The following SEMA4A variants were observed in gnomAD, a reference collection of about 807,000 sequenced individuals.
SEMA4A encodes semaphorin 4A, also known as semaphorin-4A.
SEMA4A carries 52 observed loss-of-function variants against 72.5 expected under a neutral mutation model. That is an observed-to-expected ratio of 0.72 (90% CI 0.57 to 0.90). The LOEUF (loss-of-function observed/expected upper bound fraction) is 0.90. Among genes scored for constraint, SEMA4A ranks in the 40% least tolerant of loss-of-function variants. The pLI is 0.00. For missense variants in SEMA4A, 926 were observed against 959.7 expected (o/e 0.96, Z 0.46); for synonymous variants, 369 against 393.1 (o/e 0.94, Z 0.73).
intron 8 of SEMA4A, 118 bp downstream of exon 8, chr1:156,161,147 G>T: frequency 2.4e-6 from 2 of 818,150 alleles, no homozygotes; most frequent in East Asian, 3.0e-5. Context: ...GGGAACAAGC[G>T]GGCCTGGCGG....
At chr1:156,160,040 C>A (rs1653434006) in intron 6 of SEMA4A, among the ~76,000 whole-genome samples, 1 of 152,132 alleles carries the variant, frequency 6.6e-6, no homozygotes, top group Non-Finnish European at 1.5e-5. Flanking sequence ...TCAGCAGGAC[C>A]TTGAAAAGAT....
At chr1:156,159,031 CAAA>C (rs34840198) in intron 6 of SEMA4A, 2,885 of 284,624 alleles carry the variant, frequency 0.01, no homozygotes, top group Middle Eastern at 0.014. Context: ...GAGATCGTCT[CAAA>C]AAAAAAAAAA....
At chr1:156,164,114 A>G (rs4661034) in intron 10 of SEMA4A, among the ~76,000 whole-genome samples, 62,897 of 150,878 alleles carry the variant, frequency 0.42, 13,382 homozygotes, top group African/African-American at 0.49. Flanking sequence ...CTCTACAAAA[A>G]GAGAAAAAAT....
Position 156,156,426 on chromosome 1 carries a change from G to A in SEMA4A, c.152G>A (p.Arg51Lys). The change falls in exon 3 of 15, where the codon AGG becomes AAG. Residue 51 changes from arginine (R) to lysine (K), a missense_variant. Arg to Lys is a conservative substitution (Grantham distance 26, BLOSUM62 2). Transcript: ENST00000368285. ...RVRYYAGDER[R>K]ALSFFHQKGL... ...ACTCCTCCAACAGGGGATGAACGTAGGGCACTTAGCTTCTTCCACCAGAAG... is the reference window on the plus strand; with the variant it reads ...ACTCCTCCAACAGGGGATGAACGTAAGGCACTTAGCTTCTTCCACCAGAAG... 6.2e-7 allele frequency: 1 copy of A among 1,614,104 alleles called. No individual in the cohort carries two copies.
rs771157337 is a variant in SEMA4A, at chr1:156,157,983, C to T, written c.301-87C>T. ...ACCACCATGTCTGCTGGTTATTTCA[C>T]ATCAGAGCAGAGAAGGGAGGCAGGT... On this transcript the variant is annotated intron_variant, in intron 3 of 14. Coordinates refer to ENST00000368285, the MANE Select transcript of SEMA4A (RefSeq NM_022367.4). The surrounding 1 kb of genome is among the most constrained non-coding windows in gnomAD (Gnocchi z 4.5). The T allele has an allele frequency of 9.0e-6, 12 of 1,334,716 alleles. No homozygotes were observed. Among genetic ancestry groups the T allele is most frequent in the Non-Finnish European group, 1.3e-5 (12 of 937,236 alleles). The allele number at this position is 1,334,716 out of a possible 1,614,324, so 82.7% of individuals were successfully genotyped here.
rs1264352460 is a variant in SEMA4A at position 156,161,528 on chromosome 1, A to G, written c.983+10A>G. The G allele has an allele frequency of 1.2e-6, 2 of 1,613,486 alleles. No homozygotes were observed. The highest frequency in any genetic ancestry group is 1.7e-5 in the Admixed American group (1 of 59,970). On this transcript the variant is annotated intron_variant, in intron 9 of 14. Coordinates refer to ENST00000368285, the MANE Select transcript of SEMA4A (RefSeq NM_022367.4). ...TCTTCACCTCCCAGTGGTGAGCAGC[A>G]GGGCTGGACCATGGGGGCTGGACAC... is the stretch of plus-strand genomic sequence containing the variant.
At chr1:156,173,109 C>T in intron 11 of SEMA4A, 103 bp downstream of exon 11, 2 of 1,188,732 alleles carry the variant, frequency 1.7e-6, no homozygotes, top group Admixed American at 4.0e-5. Flanking sequence ...CATTCAACAA[C>T]TGTTTACTGA....
chr1:156,163,319 G>C (rs754364795), intron 10 of SEMA4A: 19 of 578,112 alleles, frequency 3.3e-5, no homozygotes, highest in Non-Finnish European at 5.9e-5. Context: ...CCAAGGCTAA[G>C]TGTACACCAA....
chr1:156,173,025 G>T lies in SEMA4A; in HGVS notation c.1315+19G>T. On this transcript the variant is annotated intron_variant, in intron 11 of 14. Transcript: ENST00000368285. Reference sequence around the variant, plus strand: ...GGAACCAGTGAGTAAAGAGTTCCGGGACATCCCCCAGAGGACTAGAGCAGA... The same window carrying T: ...GGAACCAGTGAGTAAAGAGTTCCGGTACATCCCCCAGAGGACTAGAGCAGA... 1 of 1,612,232 alleles carries T rather than the reference G, an allele frequency of 6.2e-7. No homozygotes were observed. The highest frequency in any genetic ancestry group is 8.5e-7 in the Non-Finnish European group (1 of 1,178,870).
chr1:156,177,054 C>T lies in SEMA4A; in HGVS notation c.*57C>T. ...GCACCTGGCCATGCTGGCTGGGCGGCCCAAGCACAGCCCTGACTAGGATGA... is the reference window on the plus strand; with the variant it reads ...GCACCTGGCCATGCTGGCTGGGCGGTCCAAGCACAGCCCTGACTAGGATGA... On this transcript the variant is annotated 3_prime_UTR_variant, in exon 15 of 15. Transcript: ENST00000368285. The T allele has an allele frequency of 2.7e-6, 4 of 1,482,032 alleles. No individual in the cohort carries two copies. The South Asian group carries it at 3.4e-5, about 13-fold the overall frequency. The allele number at this position is 1,482,032 out of a possible 1,614,324, so 91.8% of individuals were successfully genotyped here. A position where few individuals can be genotyped will look rare whatever the true frequency, so the allele number is the denominator to read the frequency against.
At position 156,163,084 on chromosome 1, in the gene SEMA4A, G is replaced by A. The variant is rs370546700; in HGVS notation, c.1124G>A (p.Arg375Gln). 38 of 1,613,948 alleles carry A rather than the reference G, an allele frequency of 2.4e-5. No homozygotes were observed. The Admixed American group carries it at 3.2e-4, about 13-fold the overall frequency. Residue 375 changes from arginine (R) to glutamine (Q), a missense_variant, in exon 10 of 15, where the codon CGG (arginine) becomes CAG (glutamine). Physicochemically the swap from Arg to Gln is conservative, Grantham distance 43. Coordinates refer to ENST00000368285, the MANE Select transcript of SEMA4A (RefSeq NM_022367.4). ...TTYRGPETNP[R>Q]PGSCSVGPSS... is the part of the protein sequence containing the mutation. ...TATAGGGGCCCTGAGACCAACCCCC[G>A]GCCAGGCAGTGTGAGTACTACCCCC...
Position 156,158,145 on chromosome 1 carries a change from G to C in SEMA4A, c.363+13G>C. ...GAAGAGCAATGAGGTAAGTGGAGGT[G>C]GGGGAGTAGGGGTAGAGTGGGTAGA... is the stretch of plus-strand genomic sequence containing the variant. On this transcript the variant is annotated intron_variant, in intron 4 of 14. Transcript: ENST00000368285. 6.2e-7 allele frequency: 1 copy of C among 1,613,682 alleles called. No individual in the cohort carries two copies. The highest frequency in any genetic ancestry group is 8.5e-7 in the Non-Finnish European group (1 of 1,179,662).
intron 10 of SEMA4A, among the ~76,000 whole-genome samples, chr1:156,171,074 A>G (rs990485460): frequency 6.6e-6 from 1 of 152,126 alleles, no homozygotes; most frequent in African/African-American, 2.4e-5. Context: ...AACAACAAAC[A>G]AAAAAACCCT....
chr1:156,165,366 T>G (rs1336968587), intron 10 of SEMA4A, among the ~76,000 whole-genome samples: 1 of 152,128 alleles, frequency 6.6e-6, no homozygotes, highest in Non-Finnish European at 1.5e-5. Flanking sequence ...TTTTTTTCTT[T>G]TTTCTTTTCA....
chr1:156,172,722 G>C (rs1654917790), intron 10 of SEMA4A, 104 bp from the exon 11 acceptor site: 1 of 1,074,674 alleles, frequency 9.3e-7, no homozygotes, highest in African/African-American at 1.6e-5. Flanking sequence ...CTGAAATGAG[G>C]ACTGCCATGA....
chr1:156,173,929 G>A (rs1323827923), intron 11 of SEMA4A, among the ~76,000 whole-genome samples: 1 of 152,110 alleles, frequency 6.6e-6, no homozygotes, highest in Non-Finnish European at 1.5e-5. Context: ...GGCCAACATT[G>A]TGAAACCCGT....
chr1:156,172,395 T>A (rs933536712), intron 10 of SEMA4A, among the ~76,000 whole-genome samples: 1 of 151,960 alleles, frequency 6.6e-6, no homozygotes, highest in African/African-American at 2.4e-5. Context: ...GGATTACAGG[T>A]GTGAGCCACT....
rs1453536536 is a variant in SEMA4A, at chr1:156,157,420, G to A, written c.301-650G>A. 6.6e-6 allele frequency among the ~76,000 whole-genome samples: 1 copy of A among 152,188 alleles called. No homozygotes were observed. Among genetic ancestry groups the A allele is most frequent in the Non-Finnish European group, 1.5e-5 (1 of 68,040 alleles). ...CCTGGTCTCGAACTCCCGACCTCAG[G>A]TGATCCATCCGCCTCAGGCTTTCTA... On this transcript the variant is annotated intron_variant, in intron 3 of 14. Transcript: ENST00000368285. This position sits in a 1 kb window ranked among gnomAD's most constrained non-coding sequence, Gnocchi z 4.5.
chr1:156,158,882 A>C (rs950195013), intron 6 of SEMA4A, 58 bp downstream of exon 6: 68 of 1,404,002 alleles, frequency 4.8e-5, no homozygotes, highest in Non-Finnish European at 3.8e-5. Flanking sequence ...CACGCTGTGA[A>C]ATATGGAATA....
Sources: allele counts gnomAD v4.1 joint callset (sites outside exome capture counted in the v4.1 genomes callset), GRCh38; gene constraint gnomAD v4.1.1; non-coding constraint Gnocchi (gnomAD v3.1); transcripts MANE v1.5; gene names NCBI Gene and HGNC (gene_info 2026-07-23, HGNC 2026-07-21).